MCF2L2: variants seen among roughly 807,000 people sequenced by gnomAD.
The protein encoded by MCF2L2 is probable guanine nucleotide exchange factor MCF2L2.
A neutral mutation model predicts 150.2 loss-of-function variants in MCF2L2; 102 were observed. The observed-to-expected ratio is 0.68, with a 90% CI of 0.58 to 0.80. The LOEUF is 0.80. MCF2L2 is among the 30% of genes least tolerant of loss of function. MCF2L2 has a pLI of 0.00. For missense variants in MCF2L2, 1,256 were observed against 1,372.8 expected (o/e 0.91, Z 1.34); for synonymous variants, 465 against 491.3 (o/e 0.95, Z 0.71).
At chr3:183,279,616 TGCCC>T (rs1727360697) in intron 14 of MCF2L2, among the ~76,000 whole-genome samples, 12 of 152,250 alleles carry the variant, frequency 7.9e-5, no homozygotes, top group Admixed American at 7.8e-4. Flanking sequence ...ATTCATGGCC[TGCCC>T]TATTGGGAGG....
chr3:183,199,149 T>A (rs1722172390), intron 25 of MCF2L2, among the ~76,000 whole-genome samples: 1 of 152,198 alleles, frequency 6.6e-6, no homozygotes, highest in Non-Finnish European at 1.5e-5. Context: ...CCTTATCTTA[T>A]GATGCACACC....
chr3:183,202,914 C>T (rs1722341223), intron 25 of MCF2L2, among the ~76,000 whole-genome samples: 1 of 152,100 alleles, frequency 6.6e-6, no homozygotes, highest in African/African-American at 2.4e-5. Flanking sequence ...CCAGTCAATA[C>T]AAACTGTTCC....
chr3:183,303,545 G>A (rs189965151), intron 10 of MCF2L2, among the ~76,000 whole-genome samples: 98 of 152,280 alleles, frequency 6.4e-4, no homozygotes, highest in African/African-American at 2.2e-3. Flanking sequence ...CTGGTTTATG[G>A]TTTCAACAAT....
intron 25 of MCF2L2, among the ~76,000 whole-genome samples, chr3:183,204,214 G>GA (rs1170620354): frequency 6.6e-6 from 1 of 151,976 alleles, no homozygotes; most frequent in African/African-American, 2.4e-5. Context: ...CACAGTATGG[G>GA]AAAAAATACT....
chr3:183,301,585 A>G (rs1728850477), intron 10 of MCF2L2, among the ~76,000 whole-genome samples: 1 of 152,192 alleles, frequency 6.6e-6, no homozygotes, highest in South Asian at 2.1e-4. Context: ...GCCTGAGTTC[A>G]GGAGTTGGAG....
At position 183,216,076 on chromosome 3, in the gene MCF2L2, T is replaced by G. The variant is rs371953746; in HGVS notation, c.2389A>C (p.Lys797Gln). ...GSAKDGPKRT[K>Q]DSAFSTELQQ... ...AGTTCAGTTGAGAATGCTGAATCTT[T>G]GGTTCTCTTTGGCCCATCCTGTGGA... Residue 797 changes from lysine to glutamine, a missense_variant, in exon 22 of 30, where the codon AAA becomes CAA. Transcript: ENST00000328913. 1.1e-5 allele frequency: 17 copies of G among 1,613,770 alleles called. No individual in the cohort carries two copies. In the African/African-American group the frequency reaches 2.1e-4, roughly 20 times the overall value.
chr3:183,193,179 C>T, intron 26 of MCF2L2, 83 bp from the exon 27 acceptor site: 1 of 1,126,736 alleles, frequency 8.9e-7, no homozygotes, highest in Non-Finnish European at 1.3e-6. Flanking sequence ...GTAACGCTGG[C>T]CCACCTAGTG....
chr3:183,349,526 G>A (rs1178189579), intron 3 of MCF2L2, among the ~76,000 whole-genome samples: 1 of 152,202 alleles, frequency 6.6e-6, no homozygotes, highest in African/African-American at 2.4e-5. Flanking sequence ...GAGCAAAACA[G>A]TTCTGCTGCA....
intron 22 of MCF2L2, among the ~76,000 whole-genome samples, chr3:183,214,398 G>A (rs1335291353): frequency 1.3e-5 from 2 of 152,074 alleles, no homozygotes; most frequent in African/African-American, 4.8e-5. Context: ...GGAGTCCCAG[G>A]GGACAGTAAC....
chr3:183,224,014 T>C, intron 19 of MCF2L2, 84 bp downstream of exon 19: 1 of 972,988 alleles, frequency 1.0e-6, no homozygotes, highest in Non-Finnish European at 1.6e-6. Context: ...GCCAAGTTCC[T>C]CTCCCTAGTC....
At position 183,179,497 on chromosome 3, in the gene MCF2L2, G is replaced by A. The variant is rs1190006384; in HGVS notation, c.3228C>T (p.Thr1076=). ...KEERDEEETA[T]RSTEEERAGA... ...CAGCGCGCTCCTCCTCGGTGCTGCG[G>A]GTCGCCCTGCAATTCCGAGAAGAAA... Residue 1076 remains threonine, a synonymous_variant, in exon 30 of 30, where the codon ACC becomes ACT. Transcript: ENST00000328913. This position sits in a 1 kb window ranked among gnomAD's most constrained non-coding sequence, Gnocchi z 4.2. 10 of 1,609,310 alleles carry A rather than the reference G, an allele frequency of 6.2e-6. No individual in the cohort carries two copies. Among genetic ancestry groups the A allele is most frequent in the Non-Finnish European group, 8.5e-6 (10 of 1,177,266 alleles).
At chr3:183,269,582 G>A (rs769297151) in intron 15 of MCF2L2, 8 of 465,734 alleles carry the variant, frequency 1.7e-5, no homozygotes, top group Non-Finnish European at 1.5e-5. Context: ...GAATTTTGAC[G>A]TGCCAGTGTC....
At chr3:183,427,678 A>C (rs569557449) in intron 1 of MCF2L2, among the ~76,000 whole-genome samples, 41 of 152,094 alleles carry the variant, frequency 2.7e-4, no homozygotes, top group African/African-American at 8.9e-4. Context: ...CACCTGGTGA[A>C]GGCACCAGCC....
intron 15 of MCF2L2, among the ~76,000 whole-genome samples, chr3:183,238,093 C>T (rs1723822598): frequency 6.6e-6 from 1 of 151,524 alleles, no homozygotes; most frequent in Admixed American, 6.6e-5. Flanking sequence ...TGTTCTTTTA[C>T]ATTTGCTGAG....
chr3:183,331,205 T>A (rs1730259621), intron 5 of MCF2L2, among the ~76,000 whole-genome samples: 1 of 152,208 alleles, frequency 6.6e-6, no homozygotes, highest in South Asian at 2.1e-4. Context: ...TTATTCAAAC[T>A]AGTCCATACT....
chr3:183,192,134 T>C (rs1721917500), intron 27 of MCF2L2, among the ~76,000 whole-genome samples: 1 of 116,204 alleles, frequency 8.6e-6, no homozygotes. Context: ...CAGGCATGAG[T>C]ATTTTATTTA....
chr3:183,349,815 ACAGCAAACCTGCTT>A (rs1338458411), intron 3 of MCF2L2, among the ~76,000 whole-genome samples: 2 of 151,680 alleles, frequency 1.3e-5, no homozygotes, highest in Admixed American at 6.6e-5. Flanking sequence ...TGTTTTTTTC[ACAGCAAACCTGCTT>A]GTACCTTGTG....
At chr3:183,214,064 T>C (rs942164979) in intron 22 of MCF2L2, among the ~76,000 whole-genome samples, 1 of 152,226 alleles carries the variant, frequency 6.6e-6, no homozygotes, top group African/African-American at 2.4e-5. Flanking sequence ...CAGAATGTTA[T>C]TTGCTCATGT....
chr3:183,214,525 ATGGTTTGATTTATGAC>A lies in MCF2L2; in HGVS notation c.2496+1428_2496+1443del, dbSNP rs758530611. On this transcript the variant is annotated intron_variant, in intron 22 of 29. Coordinates refer to ENST00000328913, the MANE Select transcript of MCF2L2 (RefSeq NM_015078.4). ...CATTTTTCGGACCTTAATAACTTTC[ATGGTTTGATTTATGAC>A]AAGGAAAGAAAAGTCATTTCCTCTA... Among the ~76,000 whole-genome samples, 23 of 152,278 alleles carry A rather than the reference ATGGTTTGATTTATGAC, an allele frequency of 1.5e-4. No individual in the cohort carries two copies. In the South Asian group the frequency reaches 1.7e-3, roughly 11 times the overall value.
Sources: allele counts gnomAD v4.1 joint callset (sites outside exome capture counted in the v4.1 genomes callset), GRCh38; gene constraint gnomAD v4.1.1; non-coding constraint Gnocchi (gnomAD v3.1); transcripts MANE v1.5; gene names NCBI Gene and HGNC (gene_info 2026-07-23, HGNC 2026-07-21).